Variants in P2RX4 observed in about 807,000 individuals in gnomAD.
P2RX4 encodes the protein P2X purinoceptor 4.
In P2RX4, 37 loss-of-function variants were observed where a neutral mutation model predicts 48.0. That is an observed-to-expected ratio of 0.77 (90% CI 0.59 to 1.01). The LOEUF (loss-of-function observed/expected upper bound fraction) is 1.01, where lower values mean the gene tolerates loss of function less well. Among genes scored for constraint, P2RX4 ranks in the 50% least tolerant of loss-of-function variants. The pLI, the probability that P2RX4 is intolerant of heterozygous loss-of-function variation, is 0.00. For synonymous variants in P2RX4, 200 were observed against 199.7 expected, an observed-to-expected ratio of 1.00 and a Z score of -0.01; for missense variants, 501 against 521.4, an observed-to-expected ratio of 0.96 and a Z score of 0.38.
chr12:121,230,914 A>G (rs1887301458), intron 8 of P2RX4, among the ~76,000 whole-genome samples: 1 of 147,086 alleles, frequency 6.8e-6, no homozygotes, highest in Non-Finnish European at 1.5e-5. Context: ...TCTCTCTCTC[A>G]TATATGTATA....
chr12:121,232,704 C>A lies in P2RX4; in HGVS notation c.1044+28C>A, dbSNP rs759674792. ...GAGTGGTTTAGGCCCTGCCTTCACC[C>A]TCACGGTGAGGTGAGACCCTGGGCT... On this transcript the variant is annotated intron_variant, in intron 10 of 11. Coordinates refer to ENST00000337233, the MANE Select transcript of P2RX4 (RefSeq NM_002560.3). This position sits in a 1 kb window ranked among gnomAD's most constrained non-coding sequence, Gnocchi z 4.3. The A allele has an allele frequency of 6.4e-7, 1 of 1,570,816 alleles. No individual in the cohort carries two copies. Among genetic ancestry groups the A allele is most frequent in the South Asian group, 1.1e-5 (1 of 90,220 alleles).
intron 1 of P2RX4, among the ~76,000 whole-genome samples, chr12:121,212,129 T>TC (rs1565997020): frequency 6.6e-6 from 1 of 151,960 alleles, no homozygotes; most frequent in Non-Finnish European, 1.5e-5. Flanking sequence ...AAGTAACAGA[T>TC]CCCCCCGTCT....
intron 1 of P2RX4, chr12:121,216,539 G>T: frequency 4.5e-6 from 1 of 222,302 alleles, no homozygotes; most frequent in Non-Finnish European, 9.1e-6. Flanking sequence ...GTGCTCAAAG[G>T]GCCAGGTGCA....
At chr12:121,222,373 TTTG>T (rs1555236257) in intron 4 of P2RX4, 38 of 568,964 alleles carry the variant, frequency 6.7e-5, no homozygotes, top group African/African-American at 2.5e-4. Flanking sequence ...TGTTTTTTTT[TTTG>T]TTGTTGTTGT....
At chr12:121,226,697 G>A (rs184044979) in intron 5 of P2RX4, among the ~76,000 whole-genome samples, 1 of 152,322 alleles carries the variant, frequency 6.6e-6, no homozygotes, top group East Asian at 1.9e-4. Flanking sequence ...AAGGTGAGTT[G>A]ATCTTAAAGT....
chr12:121,222,227 C>T (rs1045961865), intron 4 of P2RX4, 61 bp downstream of exon 4: 10 of 1,133,910 alleles, frequency 8.8e-6, no homozygotes, highest in East Asian at 7.0e-5. Flanking sequence ...CACTGTGGAG[C>T]GTCTCTGATA....
intron 2 of P2RX4, among the ~76,000 whole-genome samples, chr12:121,218,478 G>A (rs1181833562): frequency 5.3e-5 from 8 of 151,806 alleles, no homozygotes; most frequent in East Asian, 1.9e-4. Flanking sequence ...GCAAGACTCC[G>A]TCTCAAAAAA....
At chr12:121,210,648 G>T (rs1885772698) in intron 1 of P2RX4, among the ~76,000 whole-genome samples, 1 of 152,178 alleles carries the variant, frequency 6.6e-6, no homozygotes, top group Non-Finnish European at 1.5e-5. Context: ...GCCTGGTGGC[G>T]CGCGCCTGGG....
rs371958865 is a variant in P2RX4 at position 121,210,224 on chromosome 12, C to T, written c.60C>T (p.Ile20=). Residue 20 remains isoleucine (I), a synonymous_variant, in exon 1 of 12, where the codon ATC becomes ATT. Coordinates refer to ENST00000337233, the MANE Select transcript of P2RX4 (RefSeq NM_002560.3). The part of the protein sequence containing the change: ...AFLFEYDTPR[I]VLIRSRKVGL... ...TGTTCGAGTACGACACGCCGCGCAT[C>T]GTGCTCATCCGCAGCCGCAAAGTGG... The T allele has an allele frequency of 1.1e-5, 17 of 1,560,998 alleles. No homozygotes were observed. The highest frequency in any genetic ancestry group is 2.6e-5 in the East Asian group (1 of 38,170).
intron 5 of P2RX4, among the ~76,000 whole-genome samples, chr12:121,226,332 C>A (rs1312003635): frequency 1.3e-5 from 2 of 151,300 alleles, no homozygotes; most frequent in Non-Finnish European, 3.0e-5. Flanking sequence ...TCACTTGAGG[C>A]CAGGAGTTCA....
At chr12:121,233,496 T>G (rs761790511) in intron 11 of P2RX4, 27 bp from the exon 12 acceptor site, 212 of 1,601,182 alleles carry the variant, frequency 1.3e-4, no homozygotes, top group Non-Finnish European at 1.7e-4. Flanking sequence ...CAGGGGCACC[T>G]TGATCTGCTT....
rs1268523637 is a variant in P2RX4, at chr12:121,212,820, A to ATTTTT, written c.134+2523_134+2524insTTTTT. 418 of 42,704 alleles carry ATTTTT rather than the reference A, an allele frequency of 9.8e-3. 12 individuals carry two copies. Among genetic ancestry groups the ATTTTT allele is most frequent in the Middle Eastern group, 0.019 (1 of 54 alleles). The allele number at this position is 42,704 out of a possible 1,614,324, so 2.6% of individuals were successfully genotyped here. A position where few individuals can be genotyped will look rare whatever the true frequency, so the allele number is the denominator to read the frequency against. ...TATATATATATATATATATATATAT[A>ATTTTT]TATATTTTTTTTTTTTTTTTGGAGA... On this transcript the variant is annotated intron_variant, in intron 1 of 11. Transcript: ENST00000337233.
At position 121,222,819 on chromosome 12, in the gene P2RX4, C is replaced by T. The variant is rs879247012; in HGVS notation, c.428-128C>T. On this transcript the variant is annotated intron_variant, in intron 4 of 11. Transcript: ENST00000337233. ...CCTGGACAGTGACACTGTCTAAATC[C>T]CAGATTTGCACAGCTCAAGACTGGC... The T allele has an allele frequency of 7.1e-5, 107 of 1,498,746 alleles. No homozygotes were observed. The South Asian group carries it at 1.2e-3, about 16-fold the overall frequency. The allele number at this position is 1,498,746 out of a possible 1,614,324, so 92.8% of individuals were successfully genotyped here. A position where few individuals can be genotyped will look rare whatever the true frequency, so the allele number is the denominator to read the frequency against.
rs1430806410 is a variant in P2RX4 at position 121,210,203 on chromosome 12, C to A, written c.39C>A (p.Phe13Leu). The change falls in exon 1 of 12, where the codon TTC becomes TTA. Residue 13 changes from phenylalanine to leucine, a missense_variant. Physicochemically the swap from Phe to Leu is conservative, Grantham distance 22 (BLOSUM62 0). Coordinates refer to ENST00000337233, the MANE Select transcript of P2RX4 (RefSeq NM_002560.3). ...GCGCCGCGCTGGCGGCCTTCCTGTT[C>A]GAGTACGACACGCCGCGCATCGTGC... Reference protein sequence around the residue: ...GCCAALAAFLFEYDTPRIVLI... With the variant: ...GCCAALAAFLLEYDTPRIVLI... 1.3e-6 allele frequency: 2 copies of A among 1,550,526 alleles called. No individual in the cohort carries two copies. The highest frequency in any genetic ancestry group is 5.3e-5 in the East Asian group (2 of 37,464).
At chr12:121,223,250 A>AT in intron 5 of P2RX4, 1 of 537,690 alleles carries the variant, frequency 1.9e-6, no homozygotes, top group Non-Finnish European at 3.4e-6. Flanking sequence ...AATTTTTTGT[A>AT]TTTTTAGTAG....
At chr12:121,217,881 G>T (rs1339448755) in intron 2 of P2RX4, among the ~76,000 whole-genome samples, 1 of 152,058 alleles carries the variant, frequency 6.6e-6, no homozygotes, top group Non-Finnish European at 1.5e-5. Flanking sequence ...AGGAAGGGAA[G>T]ACATTGTTTA....
rs151045722 is a variant in P2RX4, at chr12:121,221,960, C to G, written c.330C>G (p.Asn110Lys). Residue 110 changes from asparagine to lysine, a missense_variant, in exon 3 of 12, where the codon AAC (asparagine) becomes AAG (lysine). Transcript: ENST00000337233. ...FVMTNVILTMNQTQGLCPEIP... is the reference protein window; with the variant it reads ...FVMTNVILTMKQTQGLCPEIP... ...TGACCAACGTGATCCTCACCATGAA[C>G]CAGACACAGGGCCTGTGCCCCGAGG... The G allele has an allele frequency of 6.8e-6, 11 of 1,614,246 alleles. No homozygotes were observed. Among genetic ancestry groups the G allele is most frequent in the Non-Finnish European group, 8.5e-6 (10 of 1,180,032 alleles).
chr12:121,218,027 C>G (rs965069407), intron 2 of P2RX4, among the ~76,000 whole-genome samples: 1 of 152,084 alleles, frequency 6.6e-6, no homozygotes, highest in East Asian at 1.9e-4. Flanking sequence ...GCTAAGGGAC[C>G]GAGGGCGACC....
At chr12:121,231,692 C>T (rs563270379) in intron 8 of P2RX4, among the ~76,000 whole-genome samples, 11 of 152,142 alleles carry the variant, frequency 7.2e-5, no homozygotes, top group South Asian at 2.1e-4. Context: ...ATCTGTGTGA[C>T]GAACGAGTGG....
Sources: gnomAD v4.1 joint callset for allele counts (sites outside exome capture counted in the v4.1 genomes callset) on GRCh38, gnomAD v4.1.1 for gene constraint, Gnocchi (gnomAD v3.1) non-coding constraint, MANE v1.5 for transcripts, NCBI Gene and HGNC (gene_info 2026-07-23, HGNC 2026-07-21) for gene names.